WEE2: variants seen among roughly 807,000 people sequenced by gnomAD.
WEE2 encodes the protein wee1-like protein kinase 2.
WEE2 carries 50 observed loss-of-function variants against 60.1 expected under a neutral mutation model. The ratio of observed to expected loss-of-function variants is 0.83; its 90% CI spans 0.66 to 1.05. WEE2 has a LOEUF of 1.05. Ranked by LOEUF, WEE2 falls within the 50% of genes least tolerant of loss-of-function variation. The pLI is 0.00. For missense variants in WEE2, 631 were observed against 684.3 expected, an observed-to-expected ratio of 0.92 and a Z score of 0.87; for synonymous variants, 240 against 241.0, an observed-to-expected ratio of 1.00 and a Z score of 0.04.
chr7:141,730,627 C>T lies in WEE2; in HGVS notation c.*307C>T, dbSNP rs1799122956. 2 of 264,474 alleles carry T rather than the reference C, an allele frequency of 7.6e-6. No individual in the cohort carries two copies. The highest frequency in any genetic ancestry group is 5.4e-5 in the Admixed American group (1 of 18,512). The allele number at this position is 264,474 out of a possible 1,614,324, so 16.4% of individuals were successfully genotyped here. A position where few individuals can be genotyped will look rare whatever the true frequency, so the allele number is the denominator to read the frequency against. On this transcript the variant is annotated 3_prime_UTR_variant, in exon 12 of 12. Coordinates refer to ENST00000397541, the MANE Select transcript of WEE2 (RefSeq NM_001105558.1). Reference sequence around the variant, plus strand: ...TTATGTGAGGTGGGTAAAAGTTAGACTGCATGCAACTTGGACATCTCTGAG... The same window carrying T: ...TTATGTGAGGTGGGTAAAAGTTAGATTGCATGCAACTTGGACATCTCTGAG...
At chr7:141,730,008 A>C (rs796279350) in intron 11 of WEE2, among the ~76,000 whole-genome samples, 9 of 151,676 alleles carry the variant, frequency 5.9e-5, no homozygotes, top group Non-Finnish European at 1.2e-4. Context: ...AAAAAAAAAA[A>C]AACTCATTCT....
chr7:141,720,544 G>A (rs1164377523), intron 4 of WEE2, among the ~76,000 whole-genome samples: 1 of 152,070 alleles, frequency 6.6e-6, no homozygotes, highest in South Asian at 2.1e-4. Context: ...TTCTCGTTAA[G>A]CCCATTAAAA....
chr7:141,725,975 A>G (rs1179067399), intron 9 of WEE2, among the ~76,000 whole-genome samples: 3 of 152,246 alleles, frequency 2.0e-5, no homozygotes, highest in African/African-American at 7.2e-5. Context: ...GTAAGAAGGT[A>G]TAAGACTACT....
chr7:141,728,259 A>C (rs1799056140), intron 10 of WEE2: 1 of 152,244 alleles, frequency 6.6e-6, no homozygotes, highest in African/African-American at 2.4e-5. Context: ...TTGAAAATAC[A>C]AAAGAAGAAA....
intron 3 of WEE2, among the ~76,000 whole-genome samples, chr7:141,717,862 G>C (rs1257485826): frequency 6.6e-6 from 1 of 152,122 alleles, no homozygotes; most frequent in Non-Finnish European, 1.5e-5. Flanking sequence ...TGGTATACTG[G>C]CTTCATTGGT....
intron 3 of WEE2, among the ~76,000 whole-genome samples, chr7:141,716,780 G>C (rs1200291818): frequency 1.3e-5 from 2 of 152,050 alleles, no homozygotes; most frequent in Admixed American, 1.3e-4. Context: ...GATATTTTTG[G>C]TCTCAAAATA....
At chr7:141,725,962 T>C (rs1799010612) in intron 9 of WEE2, among the ~76,000 whole-genome samples, 1 of 152,218 alleles carries the variant, frequency 6.6e-6, no homozygotes, top group Non-Finnish European at 1.5e-5. Flanking sequence ...ATTTCTATTA[T>C]ATGTAAGAAG....
At position 141,716,214 on chromosome 7, in the gene WEE2, T is replaced by C; in HGVS notation, c.540-8T>C. The C allele has an allele frequency of 6.2e-7, 1 of 1,610,804 alleles. No individual in the cohort carries two copies. On this transcript the variant is annotated splice_polypyrimidine_tract_variant and splice_region_variant and intron_variant, in intron 2 of 11. Transcript: ENST00000397541. ...ATATATTGATAAACTTTTTTTTTCT[T>C]TTTTAAGTGAGGAAGCTGGTCCAGA...
rs2117118830 is a variant in WEE2 at position 141,723,179 on chromosome 7, A to G, written c.926A>G (p.Asn309Ser). Residue 309 changes from asparagine to serine, a missense_variant, in exon 6 of 12, where the codon AAT becomes AGT. Coordinates refer to ENST00000397541, the MANE Select transcript of WEE2 (RefSeq NM_001105558.1). The stretch of plus-strand genomic sequence containing the variant: ...ATATCTGAAAACACTAAGTCTGGCA[A>G]TCATTTTGAAGAGCCAAAACTCAAG... ...AAISENTKSG[N>S]HFEEPKLKDI... The G allele has an allele frequency of 6.2e-7, 1 of 1,614,170 alleles. No homozygotes were observed. The highest frequency in any genetic ancestry group is 1.1e-5 in the South Asian group (1 of 91,082).
intron 5 of WEE2, among the ~76,000 whole-genome samples, chr7:141,722,349 G>A (rs1462145709): frequency 6.6e-6 from 1 of 152,104 alleles, no homozygotes; most frequent in South Asian, 2.1e-4. Context: ...AGGTTGCAGC[G>A]AGCCGAGACC....
chr7:141,718,999 G>A, intron 3 of WEE2, 73 bp from the exon 4 acceptor site: 4 of 1,482,004 alleles, frequency 2.7e-6, no homozygotes, highest in Non-Finnish European at 2.8e-6. Flanking sequence ...ACTTAGGACT[G>A]TAATACTGTT....
intron 2 of WEE2, 119 bp downstream of exon 2, chr7:141,714,524 TA>T (rs1321214553): frequency 2.8e-6 from 2 of 715,720 alleles, no homozygotes; most frequent in Non-Finnish European, 4.5e-6. Flanking sequence ...TGTATATGCT[TA>T]CATATTCTCC....
rs372592312 is a variant in WEE2 at position 141,729,569 on chromosome 7, G to T, written c.1574G>T (p.Gly525Val). Residue 525 changes from glycine (G) to valine (V), a missense_variant, in exon 11 of 12, where the codon GGA becomes GTA. Physicochemically the swap from Gly to Val is moderately radical, Grantham distance 109 (BLOSUM62 -3). Transcript: ENST00000397541. ...GCCCAGCAGGCCCAGTCACCCCAGG[G>T]ATATACCCATCATGGTGACACTGGG... ...REAQQAQSPQ[G>V]YTHHGDTGVS... is the part of the protein sequence containing the mutation. 3.1e-6 allele frequency: 5 copies of T among 1,613,992 alleles called. No individual in the cohort carries two copies. The highest frequency in any genetic ancestry group is 4.2e-6 in the Non-Finnish European group (5 of 1,180,006).
intron 11 of WEE2, among the ~76,000 whole-genome samples, 167 bp downstream of exon 11, chr7:141,729,840 T>G (rs1799098754): frequency 6.6e-6 from 1 of 151,800 alleles, no homozygotes; most frequent in African/African-American, 2.4e-5. Flanking sequence ...TACAAAAAAT[T>G]AGCAGGGCGA....
At chr7:141,717,091 T>G (rs1798817166) in intron 3 of WEE2, among the ~76,000 whole-genome samples, 1 of 152,208 alleles carries the variant, frequency 6.6e-6, no homozygotes, top group African/African-American at 2.4e-5. Context: ...AACATGCGTA[T>G]GTTAATGTTT....
At chr7:141,727,145 C>G in intron 9 of WEE2, 159 bp from the exon 10 acceptor site, 2 of 697,232 alleles carry the variant, frequency 2.9e-6, no homozygotes, top group Non-Finnish European at 2.4e-6. Flanking sequence ...ATCCTCCTGC[C>G]CCAGGTGGAG....
chr7:141,711,523 C>A lies in WEE2; in HGVS notation c.342+2423C>A, dbSNP rs1402343679. Among the ~76,000 whole-genome samples the A allele has an allele frequency of 6.6e-6, 1 of 152,072 alleles. No homozygotes were observed. Among genetic ancestry groups the A allele is most frequent in the Non-Finnish European group, 1.5e-5 (1 of 68,000 alleles). On this transcript the variant is annotated intron_variant, in intron 1 of 11. Transcript: ENST00000397541. This position sits in a 1 kb window ranked among gnomAD's most constrained non-coding sequence, Gnocchi z 4.2. ...AGTCAGTCTTGTCCAAGGGATGGAACCAAAAATCATGTGAAATTCAGTTCA... is the reference window on the plus strand; with the variant it reads ...AGTCAGTCTTGTCCAAGGGATGGAAACAAAAATCATGTGAAATTCAGTTCA...
chr7:141,725,257 C>A, intron 9 of WEE2, 61 bp downstream of exon 9: 1 of 1,543,070 alleles, frequency 6.5e-7, no homozygotes, highest in South Asian at 1.2e-5. Flanking sequence ...GCGATGGCAA[C>A]TAGTTGGGCA....
chr7:141,721,150 C>T (rs912227834), intron 5 of WEE2, 94 bp downstream of exon 5: 54 of 1,473,760 alleles, frequency 3.7e-5, no homozygotes, highest in East Asian at 1.8e-4. Context: ...GTTCATTCCA[C>T]GGATAGCAGA....
Sources: gnomAD v4.1 joint callset for allele counts (sites outside exome capture counted in the v4.1 genomes callset) on GRCh38, gnomAD v4.1.1 for gene constraint, Gnocchi (gnomAD v3.1) non-coding constraint, MANE v1.5 for transcripts, NCBI Gene and HGNC (gene_info 2026-07-23, HGNC 2026-07-21) for gene names.